The following PDE10A variants were observed in gnomAD, a reference collection of about 807,000 sequenced individuals.
PDE10A encodes cAMP and cAMP-inhibited cGMP 3',5'-cyclic phosphodiesterase 10A.
PDE10A carries 39 observed loss-of-function variants against 97.7 expected under a neutral mutation model. The observed-to-expected ratio is 0.40, with a 90% CI of 0.31 to 0.52. The LOEUF (loss-of-function observed/expected upper bound fraction) is 0.52. Ranked by LOEUF, PDE10A falls within the 20% of genes least tolerant of loss-of-function variation. PDE10A has a pLI of 0.56. For missense variants in PDE10A, 731 were observed against 1,047.8 expected (o/e 0.70, Z 4.17); for synonymous variants, 371 against 376.8 (o/e 0.98, Z 0.18).
chr6:165,462,051 A>C (rs1366741170), intron 3 of PDE10A, among the ~76,000 whole-genome samples: 1 of 152,188 alleles, frequency 6.6e-6, no homozygotes, highest in Non-Finnish European at 1.5e-5. Flanking sequence ...CCTGTGTTAA[A>C]TGTCACCTTT....
chr6:165,466,073 T>A (rs1778633004), intron 3 of PDE10A, among the ~76,000 whole-genome samples: 1 of 152,146 alleles, frequency 6.6e-6, no homozygotes, highest in Non-Finnish European at 1.5e-5. Context: ...CAGGCAGGGA[T>A]TCTGCAAATC....
intron 1 of PDE10A, among the ~76,000 whole-genome samples, chr6:165,929,917 G>C (rs1364153887): frequency 6.7e-6 from 1 of 150,242 alleles, no homozygotes; most frequent in Non-Finnish European, 1.5e-5. Context: ...ATCACTCCAG[G>C]TGTGAGGGTG....
chr6:165,836,560 A>G (rs1780068243), intron 1 of PDE10A, among the ~76,000 whole-genome samples: 1 of 152,194 alleles, frequency 6.6e-6, no homozygotes, highest in Admixed American at 6.5e-5. Flanking sequence ...GCTAGCATTT[A>G]TCTATGTACC....
rs1487342011 is a variant in PDE10A, at chr6:165,638,151, C to G, written c.865+23796G>C. ...AAGATTATGCCTTTGTGAAATGCCT[C>G]ATTGGAAAGCCTCTTACTTCCCACC... On this transcript the variant is annotated intron_variant, in intron 1 of 21. Transcript: ENST00000539869. Among the ~76,000 whole-genome samples, 3 of 152,136 alleles carry G rather than the reference C, an allele frequency of 2.0e-5. No individual in the cohort carries two copies. In the East Asian group the frequency reaches 5.8e-4, roughly 29 times the overall value.
chr6:165,798,710 C>A (rs1170197858), intron 1 of PDE10A, among the ~76,000 whole-genome samples: 1 of 84,490 alleles, frequency 1.2e-5, no homozygotes, highest in African/African-American at 5.2e-5. Context: ...TTAAACCAAT[C>A]ACACACACAC....
intron 1 of PDE10A, among the ~76,000 whole-genome samples, chr6:165,731,024 C>T (rs917264231): frequency 6.6e-6 from 1 of 152,162 alleles, no homozygotes; most frequent in African/African-American, 2.4e-5. Flanking sequence ...CCAGCCTGGG[C>T]GACAGTGAGA....
intron 2 of PDE10A, among the ~76,000 whole-genome samples, chr6:165,507,973 T>C (rs1022598094): frequency 6.6e-6 from 1 of 152,110 alleles, no homozygotes; most frequent in African/African-American, 2.4e-5. Flanking sequence ...CTTATGTAGA[T>C]ATATTTCAAG....
chr6:165,475,874 T>C (rs1420136226), intron 3 of PDE10A, among the ~76,000 whole-genome samples: 3 of 152,212 alleles, frequency 2.0e-5, no homozygotes, highest in Non-Finnish European at 2.9e-5. Flanking sequence ...CGCATCAATT[T>C]GTTTCAACCA....
At chr6:165,581,999 T>A (rs1785640956) in intron 1 of PDE10A, among the ~76,000 whole-genome samples, 1 of 152,228 alleles carries the variant, frequency 6.6e-6, no homozygotes, top group African/African-American at 2.4e-5. Context: ...CAGTAACTAT[T>A]TTTGAACACT....
intron 18 of PDE10A, among the ~76,000 whole-genome samples, chr6:165,366,616 C>T (rs74679057): frequency 0.01 from 1,529 of 152,252 alleles, 4 homozygotes; most frequent in Non-Finnish European, 0.016. Context: ...AAGGGCATGT[C>T]ATAAATACAG....
At chr6:165,567,400 CA>C (rs1232166947) in intron 1 of PDE10A, among the ~76,000 whole-genome samples, 1 of 152,140 alleles carries the variant, frequency 6.6e-6, no homozygotes, top group Non-Finnish European at 1.5e-5. Flanking sequence ...AAATGGCATT[CA>C]AATCTATGCC....
At chr6:165,491,130 T>G (rs1562516713) in intron 2 of PDE10A, among the ~76,000 whole-genome samples, 1 of 151,988 alleles carries the variant, frequency 6.6e-6, no homozygotes. Flanking sequence ...AGGACAAACT[T>G]TAAAGCAACA....
intron 13 of PDE10A, among the ~76,000 whole-genome samples, chr6:165,408,874 T>TA (rs924245374): frequency 3.3e-5 from 5 of 151,920 alleles, no homozygotes; most frequent in African/African-American, 9.7e-5. Flanking sequence ...ATACTGCAGT[T>TA]AAAAAATGGG....
chr6:165,642,003 C>G (rs1393666277), intron 1 of PDE10A, among the ~76,000 whole-genome samples: 1 of 126,736 alleles, frequency 7.9e-6, no homozygotes, highest in Non-Finnish European at 1.7e-5. Context: ...CCATTCGGGG[C>G]GTGGAATCAT....
At chr6:165,378,085 C>T (rs938461915) in intron 18 of PDE10A, among the ~76,000 whole-genome samples, 1 of 152,146 alleles carries the variant, frequency 6.6e-6, no homozygotes, top group African/African-American at 2.4e-5. Context: ...GCTGCTTATC[C>T]AAAAGCATCA....
At chr6:165,884,908 A>AGAGGGAGG (rs1491527294) in intron 1 of PDE10A, among the ~76,000 whole-genome samples, 7 of 152,220 alleles carry the variant, frequency 4.6e-5, no homozygotes, top group Non-Finnish European at 1.0e-4. Context: ...AAATAAACAC[A>AGAGGGAGG]GAGGGAGGGA....
intron 1 of PDE10A, among the ~76,000 whole-genome samples, chr6:165,729,448 GAGATACTAAGGAC>G (rs1792372875): frequency 6.6e-6 from 1 of 151,916 alleles, no homozygotes; most frequent in East Asian, 1.9e-4. Flanking sequence ...ATTATATTGG[GAGATACTAAGGAC>G]AGCAGTGAAA....
At chr6:165,613,490 T>C (rs1463180080) in intron 1 of PDE10A, among the ~76,000 whole-genome samples, 4 of 151,852 alleles carry the variant, frequency 2.6e-5, no homozygotes, top group Non-Finnish European at 5.9e-5. Flanking sequence ...AATACAAAAA[T>C]TAGCCAGGCG....
At chr6:165,565,333 G>A (rs924092377) in intron 1 of PDE10A, among the ~76,000 whole-genome samples, 1 of 151,948 alleles carries the variant, frequency 6.6e-6, no homozygotes, top group Non-Finnish European at 1.5e-5. Context: ...GAAATTAAAG[G>A]CACAATATCA....
Sources: allele counts gnomAD v4.1 joint callset (sites outside exome capture counted in the v4.1 genomes callset), GRCh38; gene constraint gnomAD v4.1.1; transcripts MANE v1.5; gene names NCBI Gene and HGNC (gene_info 2026-07-23, HGNC 2026-07-21).